AARS2: variants seen among roughly 807,000 people sequenced by gnomAD.
AARS2 encodes alanine--tRNA ligase, mitochondrial.
A neutral mutation model predicts 119.7 loss-of-function variants in AARS2; 78 were observed. That is an observed-to-expected ratio of 0.65 (90% CI 0.54 to 0.79). AARS2 has a LOEUF of 0.79. AARS2 is among the 30% of genes least tolerant of loss of function. The pLI, the probability that AARS2 is intolerant of heterozygous loss-of-function variation, is 0.00. For synonymous variants in AARS2, 502 were observed against 526.3 expected (o/e 0.95, Z 0.63); for missense variants, 1,157 against 1,291.3 (o/e 0.90, Z 1.59).
At chr6:44,301,944 C>T (rs1785391783) in intron 19 of AARS2, 116 bp downstream of exon 19, 1 of 1,067,216 alleles carries the variant, frequency 9.4e-7, no homozygotes, top group Non-Finnish European at 1.4e-6. Context: ...AGGAAGCTGC[C>T]ACCACCCCGT....
At position 44,302,428 on chromosome 6, in the gene AARS2, G is replaced by A. The variant is rs1002395331; in HGVS notation, c.2450C>T (p.Ala817Val). ...LSLGSRDVAE[A>V]LRLSKDIGRL... ...TCCTATGTCCTTGGACAGCCTCAGT[G>A]CCTCCGCCACATCCCGGCTCCCCAG... The change falls in exon 18 of 22, where the codon GCA becomes GTA. Residue 817 changes from alanine to valine, a missense_variant. Ala to Val is a moderately conservative substitution (Grantham distance 64). Transcript: ENST00000244571. 6.2e-7 allele frequency: 1 copy of A among 1,614,128 alleles called. No individual in the cohort carries two copies. The highest frequency in any genetic ancestry group is 8.5e-7 in the Non-Finnish European group (1 of 1,180,012).
Position 44,302,466 on chromosome 6 carries a change from AG to A in AARS2, c.2411del (p.Thr804MetfsTer4). 5 of 1,614,126 alleles carry A rather than the reference AG, an allele frequency of 3.1e-6. No homozygotes were observed. The highest frequency in any genetic ancestry group is 4.2e-6 in the Non-Finnish European group (5 of 1,180,014). On this transcript the variant is annotated frameshift_variant, in exon 18 of 22. Coordinates refer to ENST00000244571, the MANE Select transcript of AARS2 (RefSeq NM_020745.4). LOFTEE classifies it high-confidence loss of function. Reference sequence around the variant, plus strand: ...CCCGGCTCCCCAGACTCAGCCGCTCAGTGGCCGCTTTCACTTCCTGGGCCAG... The same window carrying A: ...CCCGGCTCCCCAGACTCAGCCGCTCATGGCCGCTTTCACTTCCTGGGCCAG... ...QSLAQEVKAA[T>X]ERLSLGSRDV... is the part of the protein sequence containing the mutation.
rs537231845 is a variant in AARS2, at chr6:44,313,299, C to T, written c.25G>A (p.Ala9Thr). ...CGAATGGCCCGCCGCAGCCTCCGGG[C>T]TGCAGCTGCCACTGACGCTGCCATC... MAASVAAA[A>T]RRLRRAIRRS... Residue 9 changes from alanine to threonine, a missense_variant, in exon 1 of 22, where the codon GCC becomes ACC. Coordinates refer to ENST00000244571, the MANE Select transcript of AARS2 (RefSeq NM_020745.4). 96 of 1,599,764 alleles carry T rather than the reference C, an allele frequency of 6.0e-5. No homozygotes were observed. The highest frequency in any genetic ancestry group is 7.6e-5 in the Non-Finnish European group (89 of 1,177,536).
intron 12 of AARS2, 35 bp downstream of exon 12, chr6:44,304,610 C>A (rs1785672020): frequency 6.2e-7 from 1 of 1,614,062 alleles, no homozygotes. Context: ...GTCTGCCGCC[C>A]ACAGAAATCA....
Position 44,300,621 on chromosome 6 carries a change from G to A in AARS2, c.2884C>T (p.Gln962Ter), listed in dbSNP as rs1785274253. 1 of 1,613,996 alleles carries A rather than the reference G, an allele frequency of 6.2e-7. No individual in the cohort carries two copies. Among genetic ancestry groups the A allele is most frequent in the Non-Finnish European group, 8.5e-7 (1 of 1,180,038 alleles). Reference protein sequence around the residue: ...GKAWGSRVVAQGTGSTTDLEA... With the variant: ...GKAWGSRVVA ...AGGTCAGTAGTGCTTCCGGTGCCTTGGGCCACCACTCGTGAGCCCCACGCC... is the reference window on the plus strand; with the variant it reads ...AGGTCAGTAGTGCTTCCGGTGCCTTAGGCCACCACTCGTGAGCCCCACGCC... The change falls in exon 22 of 22, where the codon CAA becomes TAA. Residue 962 changes from glutamine to a stop codon, truncating the protein, a stop_gained. Transcript: ENST00000244571. LOFTEE classifies it high-confidence loss of function.
intron 12 of AARS2, 48 bp downstream of exon 12, chr6:44,304,597 T>C (rs1286179311): frequency 4.3e-6 from 7 of 1,614,122 alleles, no homozygotes; most frequent in Non-Finnish European, 5.9e-6. Flanking sequence ...CACTCAGGCT[T>C]GGGTCTGCCG....
rs1282548283 is a variant in AARS2, at chr6:44,299,772, G to A, written c.*775C>T. On this transcript the variant is annotated 3_prime_UTR_variant, in exon 22 of 22. Transcript: ENST00000244571. ...GAAATGATTTTCACAGGATGGTTCT[G>A]TATCTTCCCAGTAGCCAGGGAGCCC... 1 of 152,296 alleles carries A rather than the reference G, an allele frequency of 6.6e-6. No homozygotes were observed. Among genetic ancestry groups the A allele is most frequent in the African/African-American group, 2.4e-5 (1 of 41,434 alleles). 9.4% of individuals were successfully genotyped at this position (152,296 alleles called of 1,614,324 possible). A position where few individuals can be genotyped will look rare whatever the true frequency, so the allele number is the denominator to read the frequency against.
In AARS2 at chr6:44,307,064, C is replaced by T. The variant is rs769243669; in HGVS notation, c.1041-33G>A. On this transcript the variant is annotated intron_variant, in intron 6 of 21. Coordinates refer to ENST00000244571, the MANE Select transcript of AARS2 (RefSeq NM_020745.4). The surrounding 1 kb of genome is among the most constrained non-coding windows in gnomAD (Gnocchi z 4.4). ...GGTTCAGAGCCCAGACATGAATCCC[C>T]AGCGGCTCATGGTCAGCAATATGGG... 39 of 1,608,764 alleles carry T rather than the reference C, an allele frequency of 2.4e-5. No homozygotes were observed. The Admixed American group carries it at 6.2e-4, about 25-fold the overall frequency.
At position 44,310,239 on chromosome 6, in the gene AARS2, A is replaced by G. The variant is rs756596549; in HGVS notation, c.894+60T>C. 2.3e-4 allele frequency: 353 copies of G among 1,539,528 alleles called. 1 individual carries two copies. The highest frequency in any genetic ancestry group is 2.9e-4 in the Non-Finnish European group (333 of 1,134,784). On this transcript the variant is annotated intron_variant, in intron 5 of 21. Transcript: ENST00000244571. Reference sequence around the variant, plus strand: ...GAGTTCTCAACAAAGATGGAATGCAATGGGGCTGAGGGCTGTGAAGAGCAG... The same window carrying G: ...GAGTTCTCAACAAAGATGGAATGCAGTGGGGCTGAGGGCTGTGAAGAGCAG...
rs112521684 is a variant in AARS2 at position 44,299,434 on chromosome 6, C to CTT, written c.*1111_*1112dup. ...CTGGGAGGCTGAGGCATAAAGATTA[C>CTT]TTTTTTTTTTTTTTGTAGACAGGGT... is the stretch of plus-strand genomic sequence containing the variant. On this transcript the variant is annotated 3_prime_UTR_variant, in exon 22 of 22. Coordinates refer to ENST00000244571, the MANE Select transcript of AARS2 (RefSeq NM_020745.4). Among the ~76,000 whole-genome samples the CTT allele has an allele frequency of 3.5e-5, 5 of 144,470 alleles. No individual in the cohort carries two copies. Among genetic ancestry groups the CTT allele is most frequent in the African/African-American group, 7.6e-5 (3 of 39,546 alleles). 94.8% of individuals were successfully genotyped at this position (144,470 alleles called of 152,430 possible). A position where few individuals can be genotyped will look rare whatever the true frequency, so the allele number is the denominator to read the frequency against.
At chr6:44,304,600 G>A in intron 12 of AARS2, 45 bp downstream of exon 12, 1 of 1,614,158 alleles carries the variant, frequency 6.2e-7, no homozygotes, top group African/African-American at 1.3e-5. Flanking sequence ...TCAGGCTTGG[G>A]TCTGCCGCCC....
In AARS2 at chr6:44,307,329, C is replaced by G; in HGVS notation, c.960G>C (p.Ala320=). The G allele has an allele frequency of 6.2e-7, 1 of 1,613,332 alleles. No homozygotes were observed. The highest frequency in any genetic ancestry group is 8.5e-7 in the Non-Finnish European group (1 of 1,179,700). The change falls in exon 6 of 22, where the codon GCG becomes GCC. Residue 320 remains alanine, a synonymous_variant. Coordinates refer to ENST00000244571, the MANE Select transcript of AARS2 (RefSeq NM_020745.4). The surrounding 1 kb of genome is among the most constrained non-coding windows in gnomAD (Gnocchi z 4.4). ...GGATGTGGTCAGCCACCACGCGGTA[C>G]GCTGTGTCTGTGCGCCCCTCGTCTG... is the stretch of plus-strand genomic sequence containing the variant. ...GVADEGRTDT[A]YRVVADHIRT...
Position 44,300,539 on chromosome 6 carries a change from G to C in AARS2, c.*8C>G, listed in dbSNP as rs773357868. 1 of 1,613,956 alleles carries C rather than the reference G, an allele frequency of 6.2e-7. No homozygotes were observed. Among genetic ancestry groups the C allele is most frequent in the South Asian group, 1.1e-5 (1 of 91,088 alleles). ...TTTAGTCCATGTGGGTCCCTGGGCG[G>C]ACCTGGGTCAGAGCTGGCTGAGGGC... On this transcript the variant is annotated 3_prime_UTR_variant, in exon 22 of 22. Coordinates refer to ENST00000244571, the MANE Select transcript of AARS2 (RefSeq NM_020745.4).
In AARS2 at chr6:44,311,087, C is replaced by A; in HGVS notation, c.656G>T (p.Gly219Val). The A allele has an allele frequency of 6.2e-7, 1 of 1,614,044 alleles. No homozygotes were observed. Among genetic ancestry groups the A allele is most frequent in the South Asian group, 1.1e-5 (1 of 91,078 alleles). ...GTCGTAGTGGATCTCAGTACAGGGC[C>A]CACAAGGGCCAGTATCCCCCATCTC... ...FWEMGDTGPC[G>V]PCTEIHYDLA... The change falls in exon 4 of 22, where the codon GGG (glycine) becomes GTG (valine). Residue 219 changes from glycine to valine, a missense_variant. By Grantham distance (109) the Gly-to-Val change is moderately radical. Coordinates refer to ENST00000244571, the MANE Select transcript of AARS2 (RefSeq NM_020745.4).
Position 44,307,395 on chromosome 6 carries a change from C to A in AARS2, c.895-1G>T, listed in dbSNP as rs1481463384. On this transcript the variant is annotated splice_acceptor_variant, in intron 5 of 21. Coordinates refer to ENST00000244571, the MANE Select transcript of AARS2 (RefSeq NM_020745.4). LOFTEE classifies it high-confidence loss of function. The surrounding 1 kb of genome is among the most constrained non-coding windows in gnomAD (Gnocchi z 4.4). ...CCAAGTAAGGGGGTGCCCTGCAGCC[C>A]TGGGAAGCAGAAGAGTCAGCCAGTG... The A allele has an allele frequency of 6.2e-7, 1 of 1,600,184 alleles. No individual in the cohort carries two copies. Among genetic ancestry groups the A allele is most frequent in the African/African-American group, 1.3e-5 (1 of 74,814 alleles).
chr6:44,306,214 C>T (rs1340056271), intron 9 of AARS2, 66 bp downstream of exon 9: 3 of 1,490,680 alleles, frequency 2.0e-6, no homozygotes, highest in Non-Finnish European at 2.8e-6. Flanking sequence ...GCCCAGAGCT[C>T]CCTCCTCTGC....
chr6:44,304,224 G>A lies in AARS2; in HGVS notation c.1964C>T (p.Ser655Phe), dbSNP rs906922464. ...GCGCAGCTGCTCAGGATTGAGATGG[G>A]AGCCCTGCTGCTCTGTGCCAGGGCC... The part of the protein sequence containing the change: ...TLGPGTEQQG[S>F]HLNPEQLRLD... The change falls in exon 14 of 22, where the codon TCC becomes TTC. Residue 655 changes from serine to phenylalanine, a missense_variant. By Grantham distance (155) the Ser-to-Phe change is radical. Transcript: ENST00000244571. 3 of 1,614,062 alleles carry A rather than the reference G, an allele frequency of 1.9e-6. No homozygotes were observed. Among genetic ancestry groups the A allele is most frequent in the Non-Finnish European group, 1.7e-6 (2 of 1,180,026 alleles).
Position 44,304,183 on chromosome 6 carries a change from G to A in AARS2, c.2005C>T (p.Gln669Ter). The A allele has an allele frequency of 6.2e-7, 1 of 1,613,460 alleles. No homozygotes were observed. The highest frequency in any genetic ancestry group is 8.5e-7 in the Non-Finnish European group (1 of 1,180,026). Residue 669 changes from glutamine to a stop codon, truncating the protein, a stop_gained and splice_region_variant, in exon 14 of 22, where the codon CAG (glutamine) becomes TAG (stop). Coordinates refer to ENST00000244571, the MANE Select transcript of AARS2 (RefSeq NM_020745.4). LOFTEE classifies it high-confidence loss of function. The stretch of plus-strand genomic sequence containing the variant: ...CTGTCTTTCTATGCCGGGCTCACCT[G>A]GGTGGTCACATCCAAGCGCAGCTGC... The part of the protein sequence containing the change: ...PEQLRLDVTT[Q>*]TPLTPEQLRA...
chr6:44,303,497 C>T (rs1039315725), intron 14 of AARS2, 74 bp from the exon 15 acceptor site: 15 of 1,602,654 alleles, frequency 9.4e-6, no homozygotes, highest in African/African-American at 4.0e-5. Flanking sequence ...CATTGAAACA[C>T]GGTCAATGTT....
Sources: gnomAD v4.1 joint callset for allele counts (sites outside exome capture counted in the v4.1 genomes callset) on GRCh38, gnomAD v4.1.1 for gene constraint, Gnocchi (gnomAD v3.1) non-coding constraint, MANE v1.5 for transcripts, NCBI Gene and HGNC (gene_info 2026-07-23, HGNC 2026-07-21) for gene names.